Variants in CEP164 observed in about 807,000 individuals in gnomAD.
The protein encoded by CEP164 is centrosomal protein 164.
CEP164 carries 162 observed loss-of-function variants against 182.7 expected under a neutral mutation model. That is an observed-to-expected ratio of 0.89 (90% CI 0.78 to 1.01). The LOEUF (loss-of-function observed/expected upper bound fraction) is 1.01, where lower values mean the gene tolerates loss of function less well. Among genes scored for constraint, CEP164 ranks in the 50% least tolerant of loss-of-function variants. The pLI is 0.00. For synonymous variants in CEP164, 661 were observed against 690.0 expected, an observed-to-expected ratio of 0.96 and a Z score of 0.66; for missense variants, 1,735 against 1,790.4, an observed-to-expected ratio of 0.97 and a Z score of 0.56.
chr11:117,322,351 A>C (rs1436482146), intron 1 of CEP164, among the ~76,000 whole-genome samples: 4 of 152,006 alleles, frequency 2.6e-5, no homozygotes, highest in Non-Finnish European at 5.9e-5. Flanking sequence ...TCCTGACCTC[A>C]TGATCCGCCC....
intron 14 of CEP164, chr11:117,386,856 A>G: frequency 3.8e-6 from 1 of 260,642 alleles, no homozygotes; most frequent in South Asian, 5.9e-5. Flanking sequence ...CATTCTAGGA[A>G]GGAATCCATT....
At chr11:117,388,162 G>A (rs1297615520) in intron 15 of CEP164, among the ~76,000 whole-genome samples, 1 of 152,184 alleles carries the variant, frequency 6.6e-6, no homozygotes, top group African/African-American at 2.4e-5. Context: ...AAATCCTGGC[G>A]CTGTGTCCCT....
chr11:117,383,194 G>A (rs1428392051), intron 14 of CEP164, among the ~76,000 whole-genome samples: 1 of 152,178 alleles, frequency 6.6e-6, no homozygotes, highest in Non-Finnish European at 1.5e-5. Context: ...GGGCAGATGA[G>A]GGGGTACCTC....
intron 5 of CEP164, chr11:117,356,295 T>C: frequency 7.2e-6 from 8 of 1,111,786 alleles, no homozygotes; most frequent in Non-Finnish European, 8.9e-6. Flanking sequence ...CCGGAGGGCC[T>C]GGGGCTGCCT....
chr11:117,323,428 A>G (rs532974480), upstream of CEP164, among the ~76,000 whole-genome samples: 1 of 149,590 alleles, frequency 6.7e-6, no homozygotes, highest in East Asian at 2.0e-4. Context: ...GTAGGATTCC[A>G]TTTTTTTTTA....
At chr11:117,322,532 G>A (rs2035283705) in intron 1 of CEP164, among the ~76,000 whole-genome samples, 1 of 151,926 alleles carries the variant, frequency 6.6e-6, no homozygotes, top group Non-Finnish European at 1.5e-5. Context: ...TGTGCAATAG[G>A]ATACCAGAAT....
intron 14 of CEP164, among the ~76,000 whole-genome samples, chr11:117,383,362 CCACT>C (rs369310816): frequency 4.6e-5 from 7 of 152,306 alleles, no homozygotes; most frequent in African/African-American, 1.7e-4. Context: ...TGTATAATGG[CCACT>C]CAAACAGGGA....
intron 5 of CEP164, 67 bp downstream of exon 5, chr11:117,352,055 T>C: frequency 7.4e-7 from 1 of 1,345,514 alleles, no homozygotes; most frequent in Non-Finnish European, 1.0e-6. Flanking sequence ...TGGGAACCTC[T>C]AGGTGTCTGC....
intron 2 of CEP164, among the ~76,000 whole-genome samples, chr11:117,337,835 T>C (rs2037438060): frequency 6.6e-6 from 1 of 152,166 alleles, no homozygotes; most frequent in Non-Finnish European, 1.5e-5. Flanking sequence ...CCCTCTGGTG[T>C]AGGACAGGGT....
At chr11:117,379,162 G>A (rs1057327205) in intron 11 of CEP164, among the ~76,000 whole-genome samples, 8 of 152,234 alleles carry the variant, frequency 5.3e-5, no homozygotes, top group African/African-American at 1.7e-4. Context: ...CCGTGCTGAT[G>A]TGATGAGGAG....
In CEP164 at chr11:117,411,650, C is replaced by T; in HGVS notation, c.4164-145C>T. 1 of 1,143,864 alleles carries T rather than the reference C, an allele frequency of 8.7e-7. No homozygotes were observed. Among genetic ancestry groups the T allele is most frequent in the Non-Finnish European group, 1.2e-6 (1 of 812,522 alleles). 70.9% of individuals were successfully genotyped at this position (1,143,864 alleles called of 1,614,324 possible). A position where few individuals can be genotyped will look rare whatever the true frequency, so the allele number is the denominator to read the frequency against. ...TTCTGGAGGGGCAGATGTTTTGAAGCTTTGAATTGCTAGGGACCTCGGAGA... is the reference window on the plus strand; with the variant it reads ...TTCTGGAGGGGCAGATGTTTTGAAGTTTTGAATTGCTAGGGACCTCGGAGA... On this transcript the variant is annotated intron_variant, in intron 31 of 32. Transcript: ENST00000278935. The surrounding 1 kb of genome is among the most constrained non-coding windows in gnomAD (Gnocchi z 4.4).
intron 9 of CEP164, among the ~76,000 whole-genome samples, chr11:117,371,962 T>G (rs1046507811): frequency 3.3e-5 from 5 of 152,100 alleles, no homozygotes; most frequent in South Asian, 2.1e-4. Flanking sequence ...TACCTCAGCC[T>G]CTTGAGTAGT....
At chr11:117,403,853 C>G (rs2046403072) in intron 27 of CEP164, among the ~76,000 whole-genome samples, 1 of 151,934 alleles carries the variant, frequency 6.6e-6, no homozygotes, top group South Asian at 2.1e-4. Context: ...TTGCTTGTTC[C>G]TTTTCATTCT....
upstream of CEP164, among the ~76,000 whole-genome samples, chr11:117,324,188 T>C (rs994464855): frequency 1.3e-5 from 2 of 152,156 alleles, no homozygotes; most frequent in African/African-American, 4.8e-5. Context: ...GGCTCATGCT[T>C]GTAATCCCAG....
In CEP164 at chr11:117,337,238, C is replaced by T. The variant is rs530377257; in HGVS notation, c.-21-1328C>T. 6.6e-5 allele frequency among the ~76,000 whole-genome samples: 10 copies of T among 152,246 alleles called. No homozygotes were observed. In the South Asian group the frequency reaches 1.9e-3, roughly 28 times the overall value. On this transcript the variant is annotated intron_variant, in intron 2 of 32. Coordinates refer to ENST00000278935, the MANE Select transcript of CEP164 (RefSeq NM_014956.5). Reference sequence around the variant, plus strand: ...GACAGCTGCCTTCTTGCTGTGTCCTCAGATGGTAGAGAGAGACCTCTAAGC... The same window carrying T: ...GACAGCTGCCTTCTTGCTGTGTCCTTAGATGGTAGAGAGAGACCTCTAAGC...
intron 27 of CEP164, among the ~76,000 whole-genome samples, chr11:117,407,090 C>G (rs2046773473): frequency 1.3e-5 from 2 of 151,832 alleles, no homozygotes; most frequent in Admixed American, 6.6e-5. Context: ...GAGCGAGACT[C>G]TATTTCAAAA....
intron 4 of CEP164, among the ~76,000 whole-genome samples, chr11:117,349,250 C>T (rs368778490): frequency 3.3e-5 from 5 of 152,110 alleles, no homozygotes; most frequent in African/African-American, 1.2e-4. Flanking sequence ...CTCGAACTCC[C>T]GACCTCTGCC....
At chr11:117,407,686 G>A (rs2046870925) in intron 27 of CEP164, among the ~76,000 whole-genome samples, 1 of 152,076 alleles carries the variant, frequency 6.6e-6, no homozygotes, top group Non-Finnish European at 1.5e-5. Context: ...TAACCATTTG[G>A]TTAACAGTAA....
intron 14 of CEP164, among the ~76,000 whole-genome samples, chr11:117,383,372 AGG>A: frequency 6.6e-6 from 1 of 152,340 alleles, no homozygotes; most frequent in Non-Finnish European, 1.5e-5. Flanking sequence ...CCACTCAAAC[AGG>A]GAATGTCTCC....
Sources: allele counts gnomAD v4.1 joint callset (sites outside exome capture counted in the v4.1 genomes callset), GRCh38; gene constraint gnomAD v4.1.1; non-coding constraint Gnocchi (gnomAD v3.1); transcripts MANE v1.5; gene names NCBI Gene and HGNC (gene_info 2026-07-23, HGNC 2026-07-21).